RIGI: variants seen among roughly 807,000 people sequenced by gnomAD.
The protein encoded by RIGI is RNA sensor RIG-I.
At chr9:32,493,317 C>T in the RIGI span, among the ~76,000 whole-genome samples, 1 of 152,204 alleles carries the variant, frequency 6.6e-6, no homozygotes, top group African/African-American at 2.4e-5. Context: ...ATAAAAATTA[C>T]TCAGTTCACA....
At chr9:32,497,501 A>C in the RIGI span, among the ~76,000 whole-genome samples, 1 of 152,182 alleles carries the variant, frequency 6.6e-6, no homozygotes, top group Non-Finnish European at 1.5e-5. Context: ...TAATCCAAGC[A>C]CTTTGGGAGG....
At chr9:32,479,554 AG>A in the RIGI span, among the ~76,000 whole-genome samples, 1 of 152,180 alleles carries the variant, frequency 6.6e-6, no homozygotes, top group Non-Finnish European at 1.5e-5. Flanking sequence ...AAATATATAT[AG>A]GCCAGGCACA....
At chr9:32,513,819 AATCT>A in the RIGI span, among the ~76,000 whole-genome samples, 1 of 152,232 alleles carries the variant, frequency 6.6e-6, no homozygotes, top group African/African-American at 2.4e-5. Context: ...AAATTTTTGC[AATCT>A]ATCCATCTGA....
At chr9:32,489,412 C>A in the RIGI span, 22 of 1,613,212 alleles carry the variant, frequency 1.4e-5, no homozygotes, top group Non-Finnish European at 1.8e-5. Flanking sequence ...TTGGTAATTT[C>A]TTGGTTTAAA....
chr9:32,520,024 T>C, the RIGI span, among the ~76,000 whole-genome samples: 1 of 152,218 alleles, frequency 6.6e-6, no homozygotes, highest in Non-Finnish European at 1.5e-5. Flanking sequence ...AAGAAATTAC[T>C]GTGTGCTTAT....
chr9:32,471,332 G>T, the RIGI span, among the ~76,000 whole-genome samples: 3 of 152,078 alleles, frequency 2.0e-5, no homozygotes, highest in African/African-American at 4.8e-5. Flanking sequence ...ATTTTGCTAA[G>T]GCCAAAACAA....
At chr9:32,458,188 T>A in the RIGI span, among the ~76,000 whole-genome samples, 1 of 152,228 alleles carries the variant, frequency 6.6e-6, no homozygotes, top group African/African-American at 2.4e-5. Context: ...GCAAGAGTTA[T>A]ACCCCATATT....
chr9:32,457,447 A>C, the RIGI span: 2 of 1,589,012 alleles, frequency 1.3e-6, no homozygotes, highest in Non-Finnish European at 1.7e-6. Context: ...AATAACACAC[A>C]AAAGAGAACG....
At chr9:32,512,913 C>T in the RIGI span, among the ~76,000 whole-genome samples, 3 of 151,784 alleles carry the variant, frequency 2.0e-5, no homozygotes, top group African/African-American at 2.4e-5. Flanking sequence ...ACAAGCATTC[C>T]TATACACCAA....
At chr9:32,487,775 T>C in the RIGI span, 1 of 1,237,324 alleles carries the variant, frequency 8.1e-7, no homozygotes, top group South Asian at 1.5e-5. Context: ...AGGCACATAA[T>C]GCATATTTAC....
chr9:32,500,958 A>G, the RIGI span: 1 of 1,611,812 alleles, frequency 6.2e-7, no homozygotes, highest in Non-Finnish European at 8.5e-7. Flanking sequence ...AGAAGCAAAA[A>G]TGACTCATCA....
At chr9:32,525,061 G>C in the RIGI span, among the ~76,000 whole-genome samples, 10 of 152,250 alleles carry the variant, frequency 6.6e-5, 1 homozygote, top group Admixed American at 6.5e-4. Context: ...GAGAAATCTA[G>C]CACCTATTGT....
chr9:32,515,804 C>A, the RIGI span, among the ~76,000 whole-genome samples: 1 of 152,202 alleles, frequency 6.6e-6, no homozygotes, highest in Non-Finnish European at 1.5e-5. Context: ...TTCTGACAGA[C>A]CTTGGGTTCT....
the RIGI span, among the ~76,000 whole-genome samples, chr9:32,496,195 T>C: frequency 1.3e-5 from 2 of 152,220 alleles, no homozygotes; most frequent in East Asian, 1.9e-4. Context: ...CCCTATGCTT[T>C]CTTCTAGGAG....
the RIGI span, among the ~76,000 whole-genome samples, chr9:32,497,439 G>T: frequency 6.6e-6 from 1 of 152,124 alleles, no homozygotes; most frequent in Non-Finnish European, 1.5e-5. Context: ...AATCTTTAGG[G>T]TTTTCTACAT....
At chr9:32,500,119 C>A in the RIGI span, among the ~76,000 whole-genome samples, 1 of 152,182 alleles carries the variant, frequency 6.6e-6, no homozygotes. Flanking sequence ...TGTCTCAATG[C>A]CTGTAGCTTT....
At chr9:32,513,262 A>C in the RIGI span, among the ~76,000 whole-genome samples, 2 of 152,238 alleles carry the variant, frequency 1.3e-5, no homozygotes, top group African/African-American at 2.4e-5. Context: ...CACATAGCCA[A>C]GACAATCCTA....
chr9:32,457,318 T>G, the RIGI span: 1 of 1,613,970 alleles, frequency 6.2e-7, no homozygotes, highest in South Asian at 1.1e-5. Flanking sequence ...ACAGAATATC[T>G]TTGCTCTTTT....
the RIGI span, among the ~76,000 whole-genome samples, chr9:32,478,158 C>T: frequency 6.6e-6 from 1 of 151,948 alleles, no homozygotes; most frequent in Non-Finnish European, 1.5e-5. Context: ...ATTCTTCTGC[C>T]TCAGCCTCTC....
Sources: allele counts gnomAD v4.1 joint callset (sites outside exome capture counted in the v4.1 genomes callset), GRCh38; gene constraint gnomAD v4.1.1; transcripts MANE v1.5; gene names NCBI Gene and HGNC (gene_info 2026-07-23, HGNC 2026-07-21).